DCLRE1A: variants seen among roughly 807,000 people sequenced by gnomAD.
The protein encoded by DCLRE1A is DNA cross-link repair 1A protein.
Under a neutral mutation model 91.9 loss-of-function variants are expected in DCLRE1A, and 64 were observed. The ratio of observed to expected loss-of-function variants is 0.70; its 90% CI spans 0.57 to 0.86. DCLRE1A has a LOEUF of 0.86. Ranked by LOEUF, DCLRE1A falls within the 40% of genes least tolerant of loss-of-function variation. The pLI is 0.00. For missense variants in DCLRE1A, 1,145 were observed against 1,213.3 expected (o/e 0.94, Z 0.84); for synonymous variants, 416 against 431.1 (o/e 0.96, Z 0.43).
Position 113,852,889 on chromosome 10 carries a change from T to C in DCLRE1A, c.294A>G (p.Pro98=), listed in dbSNP as rs776240542. 6.2e-7 allele frequency: 1 copy of C among 1,614,182 alleles called. No homozygotes were observed. The highest frequency in any genetic ancestry group is 8.5e-7 in the Non-Finnish European group (1 of 1,180,036). The change falls in exon 1 of 9, where the codon CCA becomes CCG. Residue 98 remains proline, a synonymous_variant. Coordinates refer to ENST00000361384, the MANE Select transcript of DCLRE1A (RefSeq NM_014881.5). ...IQQTQDKETT[P]GKLCRTQKSQ... ...TTTTTTGAGTTCTACAGAGTTTTCC[T>C]GGAGTAGTTTCCTTGTCTTGGGTCT...
At chr10:113,845,895 C>T (rs1052785414) in intron 3 of DCLRE1A, 92 bp from the exon 4 acceptor site, 10 of 1,045,966 alleles carry the variant, frequency 9.6e-6, no homozygotes, top group Non-Finnish European at 1.5e-5. Context: ...TTAATAACAT[C>T]CATTTTCCTA....
At position 113,850,294 on chromosome 10, in the gene DCLRE1A, C is replaced by T. The variant is rs759443745; in HGVS notation, c.811G>A (p.Val271Met). 4 of 1,614,204 alleles carry T rather than the reference C, an allele frequency of 2.5e-6. No individual in the cohort carries two copies. Among genetic ancestry groups the T allele is most frequent in the Non-Finnish European group, 3.4e-6 (4 of 1,180,050 alleles). The stretch of plus-strand genomic sequence containing the variant: ...TTTGCAAGACGCAAAGCAACTCCCA[C>T]TAGTTTGTCATTCTCAACAAAATCT... The part of the protein sequence containing the change: ...FTDFVENDKL[V>M]GVALRLANNS... The change falls in exon 2 of 9, where the codon GTG becomes ATG. Residue 271 changes from valine (V) to methionine (M), a missense_variant. Physicochemically the swap from Val to Met is conservative, Grantham distance 21. Coordinates refer to ENST00000361384, the MANE Select transcript of DCLRE1A (RefSeq NM_014881.5).
chr10:113,850,512 A>C lies in DCLRE1A; in HGVS notation c.593T>G (p.Phe198Cys). The C allele has an allele frequency of 6.2e-7, 1 of 1,614,150 alleles. No individual in the cohort carries two copies. Among genetic ancestry groups the C allele is most frequent in the Non-Finnish European group, 8.5e-7 (1 of 1,179,998 alleles). The change falls in exon 2 of 9, where the codon TTC becomes TGC. Residue 198 changes from phenylalanine to cysteine, a missense_variant. Physicochemically the swap from Phe to Cys is radical, Grantham distance 205. Coordinates refer to ENST00000361384, the MANE Select transcript of DCLRE1A (RefSeq NM_014881.5). ...SSPSPASGGS[F>C]SETKSGVLCS... ...AAGGACGCCTGACTTAGTCTCACTGAAACTGCCACCTGACGCAGGTGATGG... is the reference window on the plus strand; with the variant it reads ...AAGGACGCCTGACTTAGTCTCACTGCAACTGCCACCTGACGCAGGTGATGG...
rs1166790591 is a variant in DCLRE1A, at chr10:113,844,631, G to A, written c.2379-387C>T. On this transcript the variant is annotated intron_variant, in intron 4 of 8. Coordinates refer to ENST00000361384, the MANE Select transcript of DCLRE1A (RefSeq NM_014881.5). ...TGATCTATGGTGAAAACCCCATAAAGTTGACTTTAAAAATCAGAACTCGGC... is the reference window on the plus strand; with the variant it reads ...TGATCTATGGTGAAAACCCCATAAAATTGACTTTAAAAATCAGAACTCGGC... Among the ~76,000 whole-genome samples the A allele has an allele frequency of 2.0e-5, 3 of 152,176 alleles. No individual in the cohort carries two copies. In the East Asian group the frequency reaches 5.8e-4, roughly 29 times the overall value.
rs754425336 is a variant in DCLRE1A at position 113,850,111 on chromosome 10, C to T, written c.994G>A (p.Gly332Ser). Residue 332 changes from glycine (G) to serine (S), a missense_variant, in exon 2 of 9, where the codon GGC (glycine) becomes AGC (serine). By Grantham distance (56) the Gly-to-Ser change is moderately conservative. Transcript: ENST00000361384. The part of the protein sequence containing the change: ...QLFFTESSKD[G>S]SLEEDDDSCG... The stretch of plus-strand genomic sequence containing the variant: ...CTGTCATCATCTTCTTCGAGGCTGC[C>T]ATCTTTTGAGCTTTCGGTAAAAAAC... 1.2e-6 allele frequency: 2 copies of T among 1,613,956 alleles called. No homozygotes were observed. Among genetic ancestry groups the T allele is most frequent in the South Asian group, 2.2e-5 (2 of 91,070 alleles).
chr10:113,849,845 A>G lies in DCLRE1A; in HGVS notation c.1260T>C (p.Ala420=). The change falls in exon 2 of 9, where the codon GCT becomes GCC. Residue 420 remains alanine, a synonymous_variant. Transcript: ENST00000361384. The stretch of plus-strand genomic sequence containing the variant: ...TTGCTTTAGTTGCCTGATGAACAGA[A>G]GCAGCAAGCTTCCCTGCCAATGCAG... The part of the protein sequence containing the change: ...FPPALAGKLA[A]SVHQATKAKP... The G allele has an allele frequency of 6.2e-7, 1 of 1,614,114 alleles. No individual in the cohort carries two copies. The highest frequency in any genetic ancestry group is 1.1e-5 in the South Asian group (1 of 91,088).
intron 8 of DCLRE1A, among the ~76,000 whole-genome samples, chr10:113,836,039 G>A (rs899845894): frequency 1.3e-5 from 2 of 152,086 alleles, no homozygotes; most frequent in African/African-American, 4.8e-5. Flanking sequence ...CTCCTACTCC[G>A]CTAGGATAAG....
chr10:113,847,569 A>C (rs1034979986), intron 2 of DCLRE1A, among the ~76,000 whole-genome samples: 12 of 16,040 alleles, frequency 7.5e-4, no homozygotes, highest in African/African-American at 1.1e-3. Flanking sequence ...TGCACCAAAA[A>C]AAATTTTTTT....
At chr10:113,843,347 A>C (rs1424408147) in intron 5 of DCLRE1A, among the ~76,000 whole-genome samples, 1 of 152,214 alleles carries the variant, frequency 6.6e-6, no homozygotes, top group Non-Finnish European at 1.5e-5. Context: ...GTAACAAAAA[A>C]GGGTTTTTTT....
In DCLRE1A at chr10:113,850,145, T is replaced by G; in HGVS notation, c.960A>C (p.Gln320His). The change falls in exon 2 of 9, where the codon CAA becomes CAC. Residue 320 changes from glutamine (Q) to histidine (H), a missense_variant. Coordinates refer to ENST00000361384, the MANE Select transcript of DCLRE1A (RefSeq NM_014881.5). ...AGCTTTCGGTAAAAAACAGTTGTTC[T>G]TGTGAATCATCCGGTTTTTCATCGA... ...HDIDEKPDDS[Q>H]EQLFFTESSK... 2 of 1,614,152 alleles carry G rather than the reference T, an allele frequency of 1.2e-6. No homozygotes were observed. The highest frequency in any genetic ancestry group is 1.7e-6 in the Non-Finnish European group (2 of 1,180,006).
chr10:113,848,842 C>G, intron 2 of DCLRE1A, 138 bp downstream of exon 2: 1 of 806,852 alleles, frequency 1.2e-6, no homozygotes, highest in South Asian at 1.8e-5. Context: ...ACGTTAGAGG[C>G]TCATGAAGTA....
Position 113,844,196 on chromosome 10 carries a change from G to T in DCLRE1A, c.2427C>A (p.Val809=). The T allele has an allele frequency of 1.2e-6, 2 of 1,614,122 alleles. No individual in the cohort carries two copies. The highest frequency in any genetic ancestry group is 2.2e-5 in the South Asian group (2 of 91,068). ...MILFYLPNGT[V]ILHTGDFRAD... ...CTCTGAAGTCTCCCGTGTGTAATAT[G>T]ACAGTACCATTAGGAAGATAAAAGA... The change falls in exon 5 of 9, where the codon GTC becomes GTA. Residue 809 remains valine, a synonymous_variant. Coordinates refer to ENST00000361384, the MANE Select transcript of DCLRE1A (RefSeq NM_014881.5).
chr10:113,847,478 C>A, intron 2 of DCLRE1A, 143 bp from the exon 3 acceptor site: 1 of 917,438 alleles, frequency 1.1e-6, no homozygotes, highest in Non-Finnish European at 1.5e-6. Flanking sequence ...ATAAATTTAA[C>A]AAAAGGTAAC....
intron 6 of DCLRE1A, 103 bp downstream of exon 6, chr10:113,842,240 G>T: frequency 1.0e-6 from 1 of 1,002,838 alleles, no homozygotes; most frequent in Non-Finnish European, 1.4e-6. Flanking sequence ...ATCATTACAG[G>T]AAATAATTAT....
rs555219952 is a variant in DCLRE1A, at chr10:113,849,207, C to T, written c.1898G>A (p.Arg633His). 6.4e-5 allele frequency: 103 copies of T among 1,613,872 alleles called. No individual in the cohort carries two copies. The highest frequency in any genetic ancestry group is 1.6e-4 in the Middle Eastern group (1 of 6,062). The change falls in exon 2 of 9, where the codon CGT becomes CAT. Residue 633 changes from arginine to histidine, a missense_variant. By Grantham distance (29) the Arg-to-His change is conservative. Transcript: ENST00000361384. ...TGACTTTCTACATCTCTTTTTTTGA[C>T]GCTGTGACCTCTCACTAGAAAGTTC... ...SVELSSERSQ[R>H]QKKRCRKSNS...
intron 7 of DCLRE1A, among the ~76,000 whole-genome samples, chr10:113,838,125 A>T (rs1005162226): frequency 6.6e-6 from 1 of 152,144 alleles, no homozygotes; most frequent in Non-Finnish European, 1.5e-5. Context: ...ACCAATTACT[A>T]TGCACACCAA....
chr10:113,837,467 T>C (rs1393730085), intron 7 of DCLRE1A, among the ~76,000 whole-genome samples: 2 of 152,044 alleles, frequency 1.3e-5, no homozygotes, highest in African/African-American at 4.8e-5. Context: ...AGTAATTAGG[T>C]ATAAACAAAT....
chr10:113,848,257 C>A (rs925520638), intron 2 of DCLRE1A, among the ~76,000 whole-genome samples: 19 of 151,960 alleles, frequency 1.3e-4, no homozygotes, highest in Non-Finnish European at 1.9e-4. Flanking sequence ...GTGGAGCTTG[C>A]AGTGAGCTGA....
rs1036040801 is a variant in DCLRE1A, at chr10:113,849,445, T to A, written c.1660A>T (p.Met554Leu). 5.6e-6 allele frequency: 9 copies of A among 1,614,024 alleles called. No homozygotes were observed. The highest frequency in any genetic ancestry group is 7.6e-6 in the Non-Finnish European group (9 of 1,180,016). The stretch of plus-strand genomic sequence containing the variant: ...TACACACCTATATCCATTTGCTTCA[T>A]TACCTTGGTAGAAGGATGTCTTGCA... ...YNARHPSTKV[M>L]KQMDIGVYFG... Residue 554 changes from methionine to leucine, a missense_variant, in exon 2 of 9, where the codon ATG becomes TTG. Met to Leu is a conservative substitution (Grantham distance 15). Transcript: ENST00000361384.
Sources: allele counts gnomAD v4.1 joint callset (sites outside exome capture counted in the v4.1 genomes callset), GRCh38; gene constraint gnomAD v4.1.1; transcripts MANE v1.5; gene names NCBI Gene and HGNC (gene_info 2026-07-23, HGNC 2026-07-21).